Variants in MYO1B observed in about 807,000 individuals in gnomAD.
MYO1B encodes unconventional myosin-Ib.
In MYO1B, 72 loss-of-function variants were observed where a neutral mutation model predicts 159.7. That is an observed-to-expected ratio of 0.45 (90% confidence interval 0.37 to 0.55). The LOEUF is 0.55. Among genes scored for constraint, MYO1B ranks in the 20% least tolerant of loss-of-function variants. The pLI, the probability that MYO1B is intolerant of heterozygous loss-of-function variation, is 0.00. For synonymous variants in MYO1B, 468 were observed against 473.8 expected (o/e 0.99, Z 0.16); for missense variants, 1,062 against 1,364.8 (o/e 0.78, Z 3.50).
At chr2:191,342,504 G>T (rs1162265951) in intron 5 of MYO1B, among the ~76,000 whole-genome samples, 1 of 152,130 alleles carries the variant, frequency 6.6e-6, no homozygotes, top group Non-Finnish European at 1.5e-5. Flanking sequence ...AACTACCTTG[G>T]CATTGGAAAC....
chr2:191,309,440 G>T (rs1488220421), intron 3 of MYO1B, among the ~76,000 whole-genome samples: 4 of 151,952 alleles, frequency 2.6e-5, no homozygotes, highest in East Asian at 1.9e-4. Context: ...CCCCTCAACC[G>T]CCAACTTTCT....
intron 7 of MYO1B, among the ~76,000 whole-genome samples, chr2:191,355,372 C>T (rs573979589): frequency 6.6e-6 from 1 of 152,284 alleles, no homozygotes; most frequent in South Asian, 2.1e-4. Flanking sequence ...TGTTATGCAG[C>T]AAAAACTAAC....
At chr2:191,300,639 CTTTTT>C (rs1233709923) in intron 3 of MYO1B, among the ~76,000 whole-genome samples, 2 of 66,932 alleles carry the variant, frequency 3.0e-5, no homozygotes, top group South Asian at 7.4e-4. Context: ...TGTGCGCAGC[CTTTTT>C]TTTTTTTTTT....
At chr2:191,274,384 A>G (rs1687630710) in intron 1 of MYO1B, among the ~76,000 whole-genome samples, 1 of 152,226 alleles carries the variant, frequency 6.6e-6, no homozygotes, top group South Asian at 2.1e-4. Context: ...TTACAGAGAA[A>G]GATTGGCTGC....
intron 13 of MYO1B, 104 bp downstream of exon 13, chr2:191,370,396 A>T: frequency 1.3e-6 from 1 of 779,190 alleles, no homozygotes; most frequent in Non-Finnish European, 2.1e-6. Flanking sequence ...CTTTGAATCT[A>T]CAAATAATCC....
intron 2 of MYO1B, among the ~76,000 whole-genome samples, chr2:191,280,894 G>C (rs1688019629): frequency 6.6e-6 from 1 of 152,206 alleles, no homozygotes; most frequent in African/African-American, 2.4e-5. Flanking sequence ...GGTCACTTGA[G>C]TTCTAGGCTT....
chr2:191,267,381 A>AT (rs1687206185), intron 1 of MYO1B, among the ~76,000 whole-genome samples: 1 of 152,182 alleles, frequency 6.6e-6, no homozygotes, highest in African/African-American at 2.4e-5. Context: ...ATAATCCAAG[A>AT]TTTTAACAAA....
chr2:191,258,855 A>G (rs1022699958), intron 1 of MYO1B, among the ~76,000 whole-genome samples: 2 of 152,340 alleles, frequency 1.3e-5, no homozygotes, highest in Admixed American at 1.3e-4. Flanking sequence ...AGTTTAAAAA[A>G]CAATACAAAG....
intron 23 of MYO1B, chr2:191,401,929 A>G (rs1696640503): frequency 6.6e-6 from 1 of 152,558 alleles, no homozygotes; most frequent in African/African-American, 2.4e-5. Context: ...TATCCTTTAG[A>G]ATAGCTTGCC....
chr2:191,292,297 T>A (rs1016864710), intron 2 of MYO1B, among the ~76,000 whole-genome samples: 1 of 152,184 alleles, frequency 6.6e-6, no homozygotes, highest in Non-Finnish European at 1.5e-5. Context: ...ATGCCAAATA[T>A]GAGTGAGCAT....
chr2:191,395,612 A>T (rs1459896344), intron 20 of MYO1B, among the ~76,000 whole-genome samples: 2 of 152,242 alleles, frequency 1.3e-5, no homozygotes, highest in African/African-American at 2.4e-5. Flanking sequence ...TCTAGGGAGT[A>T]TTCCAGCAGC....
At chr2:191,359,574 A>G (rs1693531793) in intron 7 of MYO1B, among the ~76,000 whole-genome samples, 2 of 152,168 alleles carry the variant, frequency 1.3e-5, no homozygotes. Flanking sequence ...CATCAAATAT[A>G]TATCCTTTCA....
At chr2:191,357,470 C>T (rs1418943650) in intron 7 of MYO1B, among the ~76,000 whole-genome samples, 1 of 152,234 alleles carries the variant, frequency 6.6e-6, no homozygotes, top group East Asian at 1.9e-4. Context: ...TTATCTCTTA[C>T]CTTAAAATGG....
intron 3 of MYO1B, 34 bp from the exon 4 acceptor site, chr2:191,329,901 A>G: frequency 3.8e-6 from 6 of 1,578,892 alleles, no homozygotes; most frequent in Non-Finnish European, 5.2e-6. Flanking sequence ...AATGATCTGA[A>G]GTCTAAGGAA....
chr2:191,383,042 T>C (rs1695135347), intron 14 of MYO1B, among the ~76,000 whole-genome samples: 1 of 152,136 alleles, frequency 6.6e-6, no homozygotes, highest in Admixed American at 6.5e-5. Flanking sequence ...GAGAGTGGAA[T>C]GGAAGGCAGT....
At chr2:191,348,990 C>T (rs1015265645) in intron 6 of MYO1B, among the ~76,000 whole-genome samples, 1 of 152,226 alleles carries the variant, frequency 6.6e-6, no homozygotes, top group African/African-American at 2.4e-5. Context: ...CACCTGACTT[C>T]TGCTGATACT....
At chr2:191,280,929 T>G (rs1371798257) in intron 2 of MYO1B, among the ~76,000 whole-genome samples, 1 of 152,230 alleles carries the variant, frequency 6.6e-6, no homozygotes, top group Non-Finnish European at 1.5e-5. Flanking sequence ...GGCTTGCTTC[T>G]CAGACTTTTC....
intron 3 of MYO1B, among the ~76,000 whole-genome samples, chr2:191,326,815 T>TGTGTGCGC (rs1193696593): frequency 8.1e-4 from 117 of 143,980 alleles, no homozygotes; most frequent in South Asian, 1.1e-3. Context: ...TGTGTGTGTG[T>TGTGTGCGC]GCGCGCGCCA....
At chr2:191,307,248 C>A (rs550637826) in intron 3 of MYO1B, among the ~76,000 whole-genome samples, 2 of 151,702 alleles carry the variant, frequency 1.3e-5, no homozygotes, top group South Asian at 4.2e-4. Flanking sequence ...TTTTTTTAGA[C>A]CACGTAGAGT....
Sources: allele counts gnomAD v4.1 joint callset (sites outside exome capture counted in the v4.1 genomes callset), GRCh38; gene constraint gnomAD v4.1.1; transcripts MANE v1.5; gene names NCBI Gene and HGNC (gene_info 2026-07-23, HGNC 2026-07-21).